Variants in RHCE observed in about 807,000 individuals in gnomAD.
The protein encoded by RHCE is blood group Rh(CE) polypeptide.
In RHCE, 22 loss-of-function variants were observed where a neutral mutation model predicts 43.8. The ratio of observed to expected loss-of-function variants is 0.50; its 90% CI spans 0.36 to 0.72. The LOEUF (loss-of-function observed/expected upper bound fraction) is 0.72, where lower values mean the gene tolerates loss of function less well. Among genes scored for constraint, RHCE ranks in the 30% least tolerant of loss-of-function variants. The probability of loss-of-function intolerance (pLI) is 0.00; values close to 1 mark genes in which losing one functional copy is unlikely to be tolerated. For missense variants in RHCE, 385 were observed against 525.4 expected (o/e 0.73, Z 2.61); for synonymous variants, 156 against 210.7 (o/e 0.74, Z 2.25).
At chr1:25,387,491 T>C (rs1646214575) in intron 6 of RHCE, among the ~76,000 whole-genome samples, 1 of 152,218 alleles carries the variant, frequency 6.6e-6, no homozygotes, top group Non-Finnish European at 1.5e-5. Context: ...GAGGGAATCA[T>C]TTTTGAATAG....
Position 25,392,033 on chromosome 1 carries a change from C to T in RHCE, c.595G>A (p.Asp199Asn). 6 of 1,614,162 alleles carry T rather than the reference C, an allele frequency of 3.7e-6. No individual in the cohort carries two copies. The highest frequency in any genetic ancestry group is 5.1e-6 in the Non-Finnish European group (6 of 1,180,036). The change falls in exon 4 of 10, where the codon GAT (aspartate) becomes AAT (asparagine). Residue 199 changes from aspartate (D) to asparagine (N), a missense_variant. Asp to Asn is a conservative substitution (Grantham distance 23). This residue lies in a region of RHCE where 110 missense variants were observed against 103.4 expected (regional missense o/e 1.06). Coordinates refer to ENST00000294413, the MANE Select transcript of RHCE (RefSeq NM_020485.8). ...AAACTGGGTATCGTTGCTCTCTGATCATTATCCTCCGTTCCCTTGGGTAGA... is the reference window on the plus strand; with the variant it reads ...AAACTGGGTATCGTTGCTCTCTGATTATTATCCTCCGTTCCCTTGGGTAGA... ...KPLPKGTEDN[D>N]QRATIPSLSA...
At chr1:25,425,003 G>A (rs2042794475), upstream of RHCE, among the ~76,000 whole-genome samples, 1 of 152,090 alleles carries the variant, frequency 6.6e-6, no homozygotes, top group Non-Finnish European at 1.5e-5. Context: ...TTTTAGTAGT[G>A]ACAGGGTTTC....
At chr1:25,382,637 C>CT (rs1646034856) in intron 7 of RHCE, among the ~76,000 whole-genome samples, 1 of 152,026 alleles carries the variant, frequency 6.6e-6, no homozygotes, top group African/African-American at 2.4e-5. Flanking sequence ...AACACATGTC[C>CT]TCACAGCAGC....
intron 7 of RHCE, among the ~76,000 whole-genome samples, chr1:25,384,753 C>T (rs1646100040): frequency 1.3e-5 from 2 of 152,212 alleles, no homozygotes; most frequent in African/African-American, 4.8e-5. Flanking sequence ...TCCTCATCAC[C>T]TGCTTCAGCC....
At chr1:25,416,793 T>G (rs1468201164) in intron 1 of RHCE, among the ~76,000 whole-genome samples, 4 of 97,642 alleles carry the variant, frequency 4.1e-5, no homozygotes, top group South Asian at 2.7e-4. Flanking sequence ...AATTTTACAG[T>G]TTTTTTTTTT....
intron 1 of RHCE, among the ~76,000 whole-genome samples, chr1:25,414,936 TAA>T (rs1647267092): frequency 6.6e-6 from 1 of 152,182 alleles, no homozygotes; most frequent in South Asian, 2.1e-4. Context: ...TTTAAGCCAC[TAA>T]GTTTGGGGTG....
intron 1 of RHCE, among the ~76,000 whole-genome samples, chr1:25,416,661 T>C (rs1156374783): frequency 6.6e-6 from 1 of 151,810 alleles, no homozygotes; most frequent in African/African-American, 2.4e-5. Context: ...CTGTCGCCCA[T>C]GCTGGAGTGA....
chr1:25,414,583 C>T (rs995018288), intron 1 of RHCE, among the ~76,000 whole-genome samples: 13 of 152,162 alleles, frequency 8.5e-5, no homozygotes, highest in African/African-American at 3.1e-4. Context: ...GTTTACATGT[C>T]ACTGGGAAAA....
At chr1:25,424,204 T>C (rs1177843539), upstream of RHCE, among the ~76,000 whole-genome samples, 1 of 152,238 alleles carries the variant, frequency 6.6e-6, no homozygotes, top group Non-Finnish European at 1.5e-5. Context: ...GCTATGATGT[T>C]CCGTAGGTTA....
chr1:25,424,474 G>A (rs1219732409), upstream of RHCE, among the ~76,000 whole-genome samples: 6 of 151,870 alleles, frequency 4.0e-5, no homozygotes, highest in Middle Eastern at 3.4e-3. Context: ...TGCAACCTCC[G>A]CCTCCCAGGT....
At chr1:25,374,260 T>G (rs908671065) in intron 8 of RHCE, among the ~76,000 whole-genome samples, 85 of 152,050 alleles carry the variant, frequency 5.6e-4, no homozygotes, top group African/African-American at 2.0e-3. Flanking sequence ...GGCTAATTTT[T>G]TAATTTTTAG....
rs1190049953 is a variant in RHCE, at chr1:25,409,562, C to T, written c.149-693G>A. ...GAGGGCAGGGAGGGGCCCAGCAAAG[C>T]GGAGGGTGAGCACTTTGGTTTAATT... On this transcript the variant is annotated intron_variant, in intron 1 of 9. Coordinates refer to ENST00000294413, the MANE Select transcript of RHCE (RefSeq NM_020485.8). Among the ~76,000 whole-genome samples, 13 of 123,996 alleles carry T rather than the reference C, an allele frequency of 1.0e-4. 2 individuals carry two copies. Among genetic ancestry groups the T allele is most frequent in the East Asian group, 8.0e-4 (2 of 2,510 alleles). The allele number at this position is 123,996 out of a possible 152,430, so 81.3% of individuals were successfully genotyped here. A position where few individuals can be genotyped will look rare whatever the true frequency, so the allele number is the denominator to read the frequency against.
At chr1:25,425,963 G>A (rs2042802683) in intron 2 of RHCE, among the ~76,000 whole-genome samples, 1 of 152,202 alleles carries the variant, frequency 6.6e-6, no homozygotes, top group Non-Finnish European at 1.5e-5. Context: ...TAGGCAACCT[G>A]GTTCAAATTC....
chr1:25,401,205 T>C (rs586434), intron 3 of RHCE, among the ~76,000 whole-genome samples: 2 of 152,160 alleles, frequency 1.3e-5, no homozygotes, highest in East Asian at 1.9e-4. Context: ...CGTGCATCAT[T>C]TCATGTGATT....
chr1:25,410,337 A>G, intron 1 of RHCE, among the ~76,000 whole-genome samples: 1 of 152,132 alleles, frequency 6.6e-6, no homozygotes, highest in East Asian at 1.9e-4. Flanking sequence ...AATCTTGAAG[A>G]ATTTTTTTTT....
At chr1:25,393,564 T>C (rs1007418806) in intron 3 of RHCE, among the ~76,000 whole-genome samples, 4 of 152,164 alleles carry the variant, frequency 2.6e-5, no homozygotes, top group Non-Finnish European at 5.9e-5. Context: ...GAGGCTGTAG[T>C]GAGCTGAGAT....
chr1:25,421,185 A>C (rs2042755435), upstream of RHCE, among the ~76,000 whole-genome samples: 1 of 152,264 alleles, frequency 6.6e-6, no homozygotes, highest in Admixed American at 6.5e-5. Context: ...TAAATAAGGA[A>C]ACTGAAGCTC....
Position 25,406,605 on chromosome 1 carries a change from G to A in RHCE, c.335+2078C>T, listed in dbSNP as rs1477742793. Among the ~76,000 whole-genome samples the A allele has an allele frequency of 6.2e-5, 7 of 113,272 alleles. 2 individuals carry two copies. The highest frequency in any genetic ancestry group is 1.9e-4 in the African/African-American group (7 of 36,436). 74.3% of individuals were successfully genotyped at this position (113,272 alleles called of 152,430 possible). ...TAGGATTACAGGCATGAACCACCGC[G>A]CCTGGCCTAAAACTGTTGTTTTTGG... On this transcript the variant is annotated intron_variant, in intron 2 of 9. Coordinates refer to ENST00000294413, the MANE Select transcript of RHCE (RefSeq NM_020485.8).
chr1:25,418,798 C>T (rs2042678715), intron 1 of RHCE, among the ~76,000 whole-genome samples: 1 of 152,202 alleles, frequency 6.6e-6, no homozygotes, highest in African/African-American at 2.4e-5. Context: ...CTGACACCAT[C>T]GTCTCCCCTG....
Sources: gnomAD v4.1 joint callset for allele counts (sites outside exome capture counted in the v4.1 genomes callset) on GRCh38, gnomAD v4.1.1 for gene constraint, gnomAD v4.1.1 regional missense constraint, MANE v1.5 for transcripts, NCBI Gene and HGNC (gene_info 2026-07-23, HGNC 2026-07-21) for gene names.